Variants in TIMM44 observed in about 807,000 individuals in gnomAD.
TIMM44 encodes the protein mitochondrial import inner membrane translocase subunit TIM44.
In TIMM44, 37 loss-of-function variants were observed where a neutral mutation model predicts 63.8. The ratio of observed to expected loss-of-function variants is 0.58; its 90% CI spans 0.45 to 0.76. TIMM44 has a LOEUF of 0.76. Ranked by LOEUF, TIMM44 falls within the 30% of genes least tolerant of loss-of-function variation. The pLI, the probability that TIMM44 is intolerant of heterozygous loss-of-function variation, is 0.00. For synonymous variants in TIMM44, 239 were observed against 245.1 expected, an observed-to-expected ratio of 0.98 and a Z score of 0.23; for missense variants, 573 against 603.8, an observed-to-expected ratio of 0.95 and a Z score of 0.54.
In TIMM44 at chr19:7,935,053, T is replaced by C. The variant is rs766490316; in HGVS notation, c.393+12A>G. The C allele has an allele frequency of 1.9e-6, 3 of 1,610,370 alleles. No homozygotes were observed. In the African/African-American group the frequency reaches 4.0e-5, roughly 22 times the overall value. On this transcript the variant is annotated intron_variant, in intron 4 of 12. Coordinates refer to ENST00000270538, the MANE Select transcript of TIMM44 (RefSeq NM_006351.4). The stretch of plus-strand genomic sequence containing the variant: ...TGGCCCCAGCGGCTCCAGGCGGGCG[T>C]GGAACTGTTACCTCCTTCACGGTGC...
rs763292442 is a variant in TIMM44, at chr19:7,927,143, T to G, written c.*44A>C. Reference sequence around the variant, plus strand: ...CGCAGGTGGTGTTGCGGTGCCTCTGTGCCTGATGACCCAGGCCGGGGCTAC... The same window carrying G: ...CGCAGGTGGTGTTGCGGTGCCTCTGGGCCTGATGACCCAGGCCGGGGCTAC... On this transcript the variant is annotated 3_prime_UTR_variant, in exon 13 of 13. Transcript: ENST00000270538. The G allele has an allele frequency of 1.7e-5, 27 of 1,579,168 alleles. No homozygotes were observed. The highest frequency in any genetic ancestry group is 1.7e-5 in the Non-Finnish European group (20 of 1,169,110).
chr19:7,938,085 C>A lies in TIMM44; in HGVS notation c.254G>T (p.Arg85Leu). ...TTCTTCTAGCCTTCTGGCCTCGTCA[C>A]GGAATTTTTTTATACTTTCTTTCAT... ...KEMKESIKKF[R>L]DEARRLEESD... The change falls in exon 3 of 13, where the codon CGT becomes CTT. Residue 85 changes from arginine (R) to leucine (L), a missense_variant. Arg to Leu is a moderately radical substitution (Grantham distance 102). Transcript: ENST00000270538. 1 of 1,614,040 alleles carries A rather than the reference C, an allele frequency of 6.2e-7. No individual in the cohort carries two copies. Among genetic ancestry groups the A allele is most frequent in the Admixed American group, 1.7e-5 (1 of 59,972 alleles).
In TIMM44 at chr19:7,932,938, G is replaced by A. The variant is rs921389928; in HGVS notation, c.770-6C>T. 1.9e-6 allele frequency: 3 copies of A among 1,613,372 alleles called. No homozygotes were observed. Among genetic ancestry groups the A allele is most frequent in the African/African-American group, 2.7e-5 (2 of 75,056 alleles). ...CATCTTCATCTCGAAGAACCCTGTG[G>A]AAGATGGGGTAGGTGCTGGAGAAGG... On this transcript the variant is annotated splice_region_variant and splice_polypyrimidine_tract_variant and intron_variant, in intron 7 of 12. Coordinates refer to ENST00000270538, the MANE Select transcript of TIMM44 (RefSeq NM_006351.4).
rs1568298058 is a variant in TIMM44, at chr19:7,938,215, G to C, written c.142-18C>G. The C allele has an allele frequency of 9.4e-6, 15 of 1,603,412 alleles. No homozygotes were observed. Among genetic ancestry groups the C allele is most frequent in the South Asian group, 1.1e-5 (1 of 89,254 alleles). ...GATTTGGACTAGAAAGAATGTACAAGAAAAAAAATTTAAAGAACATAGTAG... is the reference window on the plus strand; with the variant it reads ...GATTTGGACTAGAAAGAATGTACAACAAAAAAAATTTAAAGAACATAGTAG... On this transcript the variant is annotated intron_variant, in intron 2 of 12. Transcript: ENST00000270538.
In TIMM44 at chr19:7,935,115, T is replaced by TC; in HGVS notation, c.342dup (p.Ser115GlufsTer24). 2 of 1,613,116 alleles carry TC rather than the reference T, an allele frequency of 1.2e-6. No homozygotes were observed. The highest frequency in any genetic ancestry group is 8.5e-7 in the Non-Finnish European group (1 of 1,179,694). ...CCAAGCTTCTTCCGTAGCACCTCGCTCGTCCGCACGGTTTCTGACTCGATG... is the reference window on the plus strand; with the variant it reads ...CCAAGCTTCTTCCGTAGCACCTCGCTCCGTCCGCACGGTTTCTGACTCGATG... On this transcript the variant is annotated frameshift_variant, in exon 4 of 13. Transcript: ENST00000270538. LOFTEE classifies it high-confidence loss of function.
chr19:7,928,272 C>A (rs965206483), intron 10 of TIMM44, 106 bp from the exon 11 acceptor site: 81 of 958,014 alleles, frequency 8.5e-5, no homozygotes, highest in Non-Finnish European at 1.2e-4. Flanking sequence ...CTGCCGCCAG[C>A]CAGCAATGGC....
intron 3 of TIMM44, among the ~76,000 whole-genome samples, chr19:7,937,598 T>C (rs1474713800): frequency 6.6e-6 from 1 of 152,180 alleles, no homozygotes; most frequent in Non-Finnish European, 1.5e-5. Context: ...CATTAGTGCA[T>C]CAGAGCAGTG....
chr19:7,931,326 T>A, intron 9 of TIMM44, 138 bp from the exon 10 acceptor site: 1 of 790,518 alleles, frequency 1.3e-6, no homozygotes, highest in Non-Finnish European at 2.3e-6. Flanking sequence ...GGGGCGCGGG[T>A]GGAGCTGTGG....
rs368858309 is a variant in TIMM44 at position 7,941,156 on chromosome 19, G to A, written c.87C>T (p.Asn29=). ...TCTGATAGGTCGACCCATGGGGTAG[G>A]TTGTGGCTGGAAAGAAATTGGATTC... The part of the protein sequence containing the change: ...GSGIQFLSSH[N]LPHGSTYQMR... The change falls in exon 2 of 13, where the codon AAC becomes AAT. Residue 29 remains asparagine (N), a synonymous_variant. Coordinates refer to ENST00000270538, the MANE Select transcript of TIMM44 (RefSeq NM_006351.4). The A allele has an allele frequency of 3.7e-6, 6 of 1,614,052 alleles. No individual in the cohort carries two copies. The African/African-American group carries it at 5.3e-5, about 14-fold the overall frequency.
Position 7,932,940 on chromosome 19 carries a change from A to C in TIMM44, c.770-8T>G. ...TCTTCATCTCGAAGAACCCTGTGGA[A>C]GATGGGGTAGGTGCTGGAGAAGGGG... On this transcript the variant is annotated splice_region_variant and splice_polypyrimidine_tract_variant and intron_variant, in intron 7 of 12. Coordinates refer to ENST00000270538, the MANE Select transcript of TIMM44 (RefSeq NM_006351.4). 1 of 1,613,110 alleles carries C rather than the reference A, an allele frequency of 6.2e-7. No homozygotes were observed. Among genetic ancestry groups the C allele is most frequent in the Non-Finnish European group, 8.5e-7 (1 of 1,179,154 alleles).
chr19:7,929,691 C>G (rs866994745), intron 10 of TIMM44, among the ~76,000 whole-genome samples: 1 of 147,618 alleles, frequency 6.8e-6, no homozygotes, highest in East Asian at 2.0e-4. Flanking sequence ...GACTCCCAGC[C>G]CCCCCCCAGT....
chr19:7,929,861 T>C (rs935966204), intron 10 of TIMM44, among the ~76,000 whole-genome samples: 1 of 152,022 alleles, frequency 6.6e-6, no homozygotes, highest in Non-Finnish European at 1.5e-5. Context: ...TATTATTTCT[T>C]TTTTTTTAAG....
At chr19:7,931,029 A>G (rs1599646993) in intron 10 of TIMM44, 109 bp downstream of exon 10, 2 of 980,678 alleles carry the variant, frequency 2.0e-6, no homozygotes, top group Non-Finnish European at 3.1e-6. Flanking sequence ...CCGGGAGCCC[A>G]GGTCCTGCCT....
chr19:7,936,524 C>T (rs1984159082), intron 3 of TIMM44, among the ~76,000 whole-genome samples: 1 of 152,150 alleles, frequency 6.6e-6, no homozygotes, highest in African/African-American at 2.4e-5. Flanking sequence ...TGCAAGGGAC[C>T]CGTGGCAGGT....
Position 7,929,336 on chromosome 19 carries a change from C to T in TIMM44, c.1039-1170G>A, listed in dbSNP as rs574866940. On this transcript the variant is annotated intron_variant, in intron 10 of 12. Transcript: ENST00000270538. ...CAGCTGAGGCCTCATCAGGACACAGCTCCTTCCTGGTGTGGGAAGACTATC... is the reference window on the plus strand; with the variant it reads ...CAGCTGAGGCCTCATCAGGACACAGTTCCTTCCTGGTGTGGGAAGACTATC... Among the ~76,000 whole-genome samples, 3 of 152,322 alleles carry T rather than the reference C, an allele frequency of 2.0e-5. No individual in the cohort carries two copies. In the South Asian group the frequency reaches 6.2e-4, roughly 32 times the overall value.
chr19:7,943,507 G>GCAAGGGTCGCGAAGGC lies in TIMM44; in HGVS notation c.45+84_45+99dup. ...ACCCCAAGCTTTCTAAGGAGCCCAA[G>GCAAGGGTCGCGAAGGC]CAAGGGTCGCGAAGGCCAAGGGTCT... On this transcript the variant is annotated intron_variant, in intron 1 of 12. Transcript: ENST00000270538. This position sits in a 1 kb window ranked among gnomAD's most constrained non-coding sequence, Gnocchi z 4.3. 7.3e-7 allele frequency: 1 copy of GCAAGGGTCGCGAAGGC among 1,370,496 alleles called. No individual in the cohort carries two copies. Among genetic ancestry groups the GCAAGGGTCGCGAAGGC allele is most frequent in the Non-Finnish European group, 1.0e-6 (1 of 996,068 alleles). The allele number at this position is 1,370,496 out of a possible 1,614,324, so 84.9% of individuals were successfully genotyped here.
At chr19:7,937,919 G>A in intron 3 of TIMM44, 108 bp downstream of exon 3, 1 of 1,373,136 alleles carries the variant, frequency 7.3e-7, no homozygotes, top group Non-Finnish European at 1.0e-6. Flanking sequence ...TCAGGAGGCT[G>A]AGGCAGGGGA....
intron 10 of TIMM44, among the ~76,000 whole-genome samples, chr19:7,929,855 A>T (rs1431103864): frequency 6.6e-6 from 1 of 151,728 alleles, no homozygotes; most frequent in East Asian, 1.9e-4. Flanking sequence ...CTAAATTATT[A>T]TTTCTTTTTT....
At chr19:7,933,000 C>T (rs1984032432) in intron 7 of TIMM44, 68 bp from the exon 8 acceptor site, 6 of 1,313,260 alleles carry the variant, frequency 4.6e-6, no homozygotes, top group South Asian at 1.2e-5. Context: ...CTCACAGCTT[C>T]TAGAGGCTCC....
Sources: gnomAD v4.1 joint callset for allele counts (sites outside exome capture counted in the v4.1 genomes callset) on GRCh38, gnomAD v4.1.1 for gene constraint, Gnocchi (gnomAD v3.1) non-coding constraint, MANE v1.5 for transcripts, NCBI Gene and HGNC (gene_info 2026-07-23, HGNC 2026-07-21) for gene names.